HSPA4L: variants seen among roughly 807,000 people sequenced by gnomAD.
HSPA4L encodes heat shock protein family A (Hsp70) member 4 like.
A neutral mutation model predicts 100.3 loss-of-function variants in HSPA4L; 48 were observed. The ratio of observed to expected loss-of-function variants is 0.48; its 90% CI spans 0.38 to 0.61. The LOEUF (loss-of-function observed/expected upper bound fraction) is 0.61, where lower values mean the gene tolerates loss of function less well. Among genes scored for constraint, HSPA4L ranks in the 20% least tolerant of loss-of-function variants. The probability of loss-of-function intolerance (pLI) is 0.00; values close to 1 mark genes in which losing one functional copy is unlikely to be tolerated. For synonymous variants in HSPA4L, 319 were observed against 328.2 expected (o/e 0.97, Z 0.30); for missense variants, 886 against 988.6 (o/e 0.90, Z 1.39).
chr4:127,783,140 C>T (rs1378201986), intron 1 of HSPA4L, among the ~76,000 whole-genome samples: 4 of 151,816 alleles, frequency 2.6e-5, no homozygotes, highest in Non-Finnish European at 5.9e-5. Context: ...TTCGGCTGCA[C>T]ACGTCAGAGA....
intron 10 of HSPA4L, 79 bp downstream of exon 10, chr4:127,805,872 A>G (rs1368945850): frequency 4.6e-6 from 4 of 870,544 alleles, no homozygotes; most frequent in Non-Finnish European, 7.0e-6. Context: ...AATTAGAGAA[A>G]TTTACGCTTC....
rs202140695 is a variant in HSPA4L, at chr4:127,795,718, A to G, written c.166-50A>G. The stretch of plus-strand genomic sequence containing the variant: ...TTGTCAAGTACTAGGATAGAATTTT[A>G]TTTTGCATTTATTAGGTAACTGATA... On this transcript the variant is annotated intron_variant, in intron 2 of 18. Transcript: ENST00000296464. The G allele has an allele frequency of 5.9e-5, 93 of 1,588,896 alleles. No homozygotes were observed. The African/African-American group carries it at 1.1e-3, about 19-fold the overall frequency.
intron 2 of HSPA4L, 44 bp from the exon 3 acceptor site, chr4:127,795,724 C>T: frequency 6.3e-7 from 1 of 1,592,324 alleles, no homozygotes; most frequent in Non-Finnish European, 8.6e-7. Context: ...TTTTATTTTG[C>T]ATTTATTAGG....
chr4:127,834,656 T>G lies in HSPA4L; in HGVS notation c.*1782T>G, dbSNP rs1734164095. ...AGATGCTTTTTATTTGTATGTTGAA[T>G]GTACAGATTCATTTCAAGAAAAGCA... On this transcript the variant is annotated 3_prime_UTR_variant, in exon 19 of 19. Coordinates refer to ENST00000296464, the MANE Select transcript of HSPA4L (RefSeq NM_014278.4). The G allele has an allele frequency of 6.6e-6, 1 of 152,216 alleles. No individual in the cohort carries two copies. The highest frequency in any genetic ancestry group is 2.1e-4 in the South Asian group (1 of 4,836). 9.4% of individuals were successfully genotyped at this position (152,216 alleles called of 1,614,324 possible). A position where few individuals can be genotyped will look rare whatever the true frequency, so the allele number is the denominator to read the frequency against.
At position 127,837,430 on chromosome 4, in the gene HSPA4L, CTT is replaced by C. The variant is rs562774832; in HGVS notation, c.*4559_*4560del. On this transcript the variant is annotated 3_prime_UTR_variant, in exon 19 of 19. Coordinates refer to ENST00000296464, the MANE Select transcript of HSPA4L (RefSeq NM_014278.4). ...ACACTGGTTAAATAGCCCTTGATGA[CTT>C]TTCATGTGGCATGAGAGGGATATGC... is the stretch of plus-strand genomic sequence containing the variant. 7.4e-4 allele frequency: 112 copies of C among 152,250 alleles called. No homozygotes were observed. The highest frequency in any genetic ancestry group is 2.5e-3 in the African/African-American group (103 of 41,560). 9.4% of individuals were successfully genotyped at this position (152,250 alleles called of 1,614,324 possible).
chr4:127,819,318 A>G (rs1156745165), intron 13 of HSPA4L, among the ~76,000 whole-genome samples: 1 of 152,148 alleles, frequency 6.6e-6, no homozygotes, highest in Non-Finnish European at 1.5e-5. Context: ...TCTTAAAGCT[A>G]TCATCTTCAA....
intron 12 of HSPA4L, among the ~76,000 whole-genome samples, chr4:127,814,243 G>C (rs1001210893): frequency 2.0e-5 from 3 of 152,136 alleles, no homozygotes; most frequent in African/African-American, 7.2e-5. Flanking sequence ...TGGCTTGCTA[G>C]AACATTTGCA....
At position 127,830,753 on chromosome 4, in the gene HSPA4L, C is replaced by A. The variant is rs764775026; in HGVS notation, c.2282C>A (p.Thr761Asn). 3 of 1,600,762 alleles carry A rather than the reference C, an allele frequency of 1.9e-6. No homozygotes were observed. The East Asian group carries it at 6.8e-5, about 36-fold the overall frequency. ...KMNAQNKLSL[T>N]QDPVVKVSEI... ...AATGCACAGAACAAACTAAGTCTCACTCAAGATCCTGTGGTAAAAGTTTCA... is the reference window on the plus strand; with the variant it reads ...AATGCACAGAACAAACTAAGTCTCAATCAAGATCCTGTGGTAAAAGTTTCA... Residue 761 changes from threonine to asparagine, a missense_variant, in exon 18 of 19, where the codon ACT (threonine) becomes AAT (asparagine). Transcript: ENST00000296464.
chr4:127,789,820 G>A (rs564678840), intron 1 of HSPA4L, among the ~76,000 whole-genome samples: 195 of 152,248 alleles, frequency 1.3e-3, no homozygotes, highest in African/African-American at 4.5e-3. Context: ...TAATGTGTCT[G>A]TTTCCCTTGC....
chr4:127,811,912 G>A (rs2148791567), intron 12 of HSPA4L, among the ~76,000 whole-genome samples: 1 of 152,218 alleles, frequency 6.6e-6, no homozygotes, highest in East Asian at 1.9e-4. Context: ...TCTTTCCTAA[G>A]TTCTTAACTT....
chr4:127,817,729 A>G (rs537376547), intron 12 of HSPA4L, among the ~76,000 whole-genome samples: 4 of 152,274 alleles, frequency 2.6e-5, no homozygotes, highest in Non-Finnish European at 4.4e-5. Context: ...ATTATTTTAC[A>G]TTTTACAATT....
At position 127,838,489 on chromosome 4, in the gene HSPA4L, C is replaced by A. The variant is rs1308486482; in HGVS notation, c.*5615C>A. ...TTTGGTTCAGTCTGTCAGGCAAGTA[C>A]AAATCCATAACAAAAAAAATTAATA... On this transcript the variant is annotated 3_prime_UTR_variant, in exon 19 of 19. Transcript: ENST00000296464. 6.6e-6 allele frequency: 1 copy of A among 152,140 alleles called. No individual in the cohort carries two copies. Among genetic ancestry groups the A allele is most frequent in the Non-Finnish European group, 1.5e-5 (1 of 68,014 alleles). The allele number at this position is 152,140 out of a possible 1,614,324, so 9.4% of individuals were successfully genotyped here.
intron 12 of HSPA4L, among the ~76,000 whole-genome samples, chr4:127,813,743 A>G (rs1231246589): frequency 6.6e-6 from 1 of 152,126 alleles, no homozygotes; most frequent in African/African-American, 2.4e-5. Context: ...CCTGGGTTCA[A>G]GTGATTCTCC....
intron 11 of HSPA4L, among the ~76,000 whole-genome samples, chr4:127,810,933 A>G (rs974178713): frequency 2.0e-5 from 3 of 152,318 alleles, no homozygotes; most frequent in Non-Finnish European, 2.9e-5. Context: ...GAAATAAAAC[A>G]TCAGTAGATT....
At chr4:127,827,481 G>T (rs971175448) in intron 17 of HSPA4L, 57 bp downstream of exon 17, 1 of 1,589,726 alleles carries the variant, frequency 6.3e-7, no homozygotes, top group Non-Finnish European at 8.6e-7. Context: ...ACATAGAATG[G>T]GGCAAATCTA....
In HSPA4L at chr4:127,833,996, A is replaced by G. The variant is rs1734149724; in HGVS notation, c.*1122A>G. The G allele has an allele frequency of 6.6e-6, 1 of 152,174 alleles. No homozygotes were observed. Among genetic ancestry groups the G allele is most frequent in the Non-Finnish European group, 1.5e-5 (1 of 67,998 alleles). 9.4% of individuals were successfully genotyped at this position (152,174 alleles called of 1,614,324 possible). On this transcript the variant is annotated 3_prime_UTR_variant, in exon 19 of 19. Transcript: ENST00000296464. ...GATTAAATTATAGTTCCTGCTGTTA[A>G]CATTACCTTTTGAAACCTTGGCTCC...
chr4:127,832,295 A>C (rs1734102935), intron 18 of HSPA4L, among the ~76,000 whole-genome samples: 1 of 152,190 alleles, frequency 6.6e-6, no homozygotes, highest in South Asian at 2.1e-4. Context: ...AATTGTTTTC[A>C]TATAAATGTT....
chr4:127,809,470 C>T, intron 11 of HSPA4L: 1 of 1,147,920 alleles, frequency 8.7e-7, no homozygotes, highest in Non-Finnish European at 1.3e-6. Context: ...CGCCTTGACC[C>T]AGAATGAAGA....
chr4:127,831,847 A>AT (rs554897607), intron 18 of HSPA4L, among the ~76,000 whole-genome samples: 9 of 151,532 alleles, frequency 5.9e-5, no homozygotes, highest in African/African-American at 1.5e-4. Context: ...GGGATATGTG[A>AT]TTTTTTTTCT....
Sources: allele counts gnomAD v4.1 joint callset (sites outside exome capture counted in the v4.1 genomes callset), GRCh38; gene constraint gnomAD v4.1.1; transcripts MANE v1.5; gene names NCBI Gene and HGNC (gene_info 2026-07-23, HGNC 2026-07-21).